LINGO2: variants seen among roughly 807,000 people sequenced by gnomAD.
LINGO2 encodes leucine-rich repeat and immunoglobulin-like domain-containing nogo receptor-interacting protein 2.
A neutral mutation model predicts 30.6 loss-of-function variants in LINGO2; 14 were observed. The observed-to-expected ratio is 0.46, with a 90% CI of 0.30 to 0.72. LINGO2 has a LOEUF of 0.72. LINGO2 is among the 30% of genes least tolerant of loss of function. The pLI, the probability that LINGO2 is intolerant of heterozygous loss-of-function variation, is 0.07. For synonymous variants in LINGO2, 317 were observed against 288.5 expected (o/e 1.10, Z -1.00); for missense variants, 729 against 751.7 (o/e 0.97, Z 0.35).
chr9:28,349,333 C>A (rs1183067661), intron 3 of LINGO2, among the ~76,000 whole-genome samples: 1 of 141,788 alleles, frequency 7.1e-6, no homozygotes, highest in Admixed American at 7.3e-5. Context: ...AACCAAGGCT[C>A]GAGAACTACG....
At chr9:28,784,213 A>G in the LINGO2 span, among the ~76,000 whole-genome samples, 1 of 152,230 alleles carries the variant, frequency 6.6e-6, no homozygotes, top group African/African-American at 2.4e-5. Context: ...GTGTGTGTTT[A>G]TATTTTGTTA....
the LINGO2 span, among the ~76,000 whole-genome samples, chr9:29,167,362 G>T: frequency 6.6e-6 from 1 of 152,092 alleles, no homozygotes; most frequent in Admixed American, 6.6e-5. Context: ...TGGTTTATCT[G>T]AACCAGCATA....
chr9:28,575,927 T>TACACACACAC (rs3065641), intron 1 of LINGO2, among the ~76,000 whole-genome samples: 117 of 149,522 alleles, frequency 7.8e-4, no homozygotes, highest in South Asian at 1.9e-3. Flanking sequence ...AGCCTTGAAA[T>TACACACACAC]ACACACACAC....
At chr9:29,121,372 C>G in the LINGO2 span, among the ~76,000 whole-genome samples, 2 of 151,982 alleles carry the variant, frequency 1.3e-5, no homozygotes, top group Non-Finnish European at 1.5e-5. Flanking sequence ...GCAATGAAGT[C>G]AGAAAAATGA....
intron 5 of LINGO2, among the ~76,000 whole-genome samples, chr9:27,992,686 G>A (rs979789630): frequency 3.3e-5 from 5 of 152,052 alleles, no homozygotes; most frequent in African/African-American, 1.2e-4. Flanking sequence ...ACATTAGGAA[G>A]CAATGAGGGA....
chr9:28,103,311 T>C (rs1236691451), intron 4 of LINGO2, among the ~76,000 whole-genome samples: 3 of 152,174 alleles, frequency 2.0e-5, no homozygotes, highest in African/African-American at 7.2e-5. Context: ...TGATTCTCCA[T>C]GGCTCTTTTC....
intron 4 of LINGO2, among the ~76,000 whole-genome samples, chr9:28,020,341 C>T (rs993672110): frequency 2.0e-5 from 3 of 152,158 alleles, no homozygotes; most frequent in Non-Finnish European, 4.4e-5. Context: ...CCAGCCTAAC[C>T]AATACGGTGA....
At chr9:28,585,432 T>G (rs1270412362) in intron 1 of LINGO2, among the ~76,000 whole-genome samples, 1 of 151,984 alleles carries the variant, frequency 6.6e-6, no homozygotes, top group African/African-American at 2.4e-5. Flanking sequence ...AGTCCCTAAC[T>G]TAAAATGGTT....
intron 2 of LINGO2, among the ~76,000 whole-genome samples, chr9:28,404,186 G>C (rs945478158): frequency 6.6e-6 from 1 of 151,818 alleles, no homozygotes; most frequent in Non-Finnish European, 1.5e-5. Flanking sequence ...TTTCTTCAAA[G>C]CTGTCTTTTT....
At chr9:28,373,306 C>T (rs1820977055) in intron 2 of LINGO2, among the ~76,000 whole-genome samples, 1 of 152,148 alleles carries the variant, frequency 6.6e-6, no homozygotes, top group Admixed American at 6.5e-5. Flanking sequence ...TATATTTCTA[C>T]TCTTGAATGC....
intron 1 of LINGO2, among the ~76,000 whole-genome samples, chr9:28,544,718 T>C (rs2135476278): frequency 6.6e-6 from 1 of 150,924 alleles, no homozygotes; most frequent in South Asian, 2.1e-4. Context: ...GTACACTGAA[T>C]ATAAAAATAA....
intron 2 of LINGO2, among the ~76,000 whole-genome samples, chr9:28,403,370 C>A (rs891036436): frequency 6.6e-6 from 1 of 152,164 alleles, no homozygotes; most frequent in Non-Finnish European, 1.5e-5. Context: ...ATTATTCTGT[C>A]AAAGGCTGCA....
At chr9:28,307,384 T>G (rs1329179435) in intron 3 of LINGO2, among the ~76,000 whole-genome samples, 3 of 152,120 alleles carry the variant, frequency 2.0e-5, no homozygotes, top group Non-Finnish European at 4.4e-5. Context: ...CAACAACCCT[T>G]CATGCTAAAA....
chr9:28,215,942 C>T (rs533250948), intron 4 of LINGO2, among the ~76,000 whole-genome samples: 103 of 151,964 alleles, frequency 6.8e-4, no homozygotes, highest in African/African-American at 2.2e-3. Context: ...ATGAGAGTCA[C>T]TCAGAGAAAT....
intron 3 of LINGO2, among the ~76,000 whole-genome samples, chr9:28,331,069 T>G: frequency 6.6e-6 from 1 of 152,084 alleles, no homozygotes; most frequent in East Asian, 1.9e-4. Context: ...ATTTATTATT[T>G]ATTAAGTAAT....
chr9:29,156,978 C>T, the LINGO2 span, among the ~76,000 whole-genome samples: 7 of 151,982 alleles, frequency 4.6e-5, no homozygotes, highest in South Asian at 2.1e-4. Flanking sequence ...TAATAACTTA[C>T]GCAAGCAAAG....
intron 4 of LINGO2, among the ~76,000 whole-genome samples, chr9:28,031,117 T>C (rs1823648231): frequency 1.3e-5 from 2 of 152,176 alleles, no homozygotes; most frequent in South Asian, 4.1e-4. Flanking sequence ...TTTCCTCATA[T>C]CCAAGCTTCT....
chr9:28,429,817 A>C (rs531926334), intron 2 of LINGO2, among the ~76,000 whole-genome samples: 3 of 152,322 alleles, frequency 2.0e-5, no homozygotes, highest in East Asian at 3.9e-4. Context: ...GAATCCATGC[A>C]TATAAAAATT....
At chr9:28,970,586 A>T in the LINGO2 span, among the ~76,000 whole-genome samples, 1 of 152,278 alleles carries the variant, frequency 6.6e-6, no homozygotes, top group South Asian at 2.1e-4. Flanking sequence ...GGGAGAGCAC[A>T]GCAGTTATGA....
Sources: allele counts gnomAD v4.1 joint callset (sites outside exome capture counted in the v4.1 genomes callset), GRCh38; gene constraint gnomAD v4.1.1; transcripts MANE v1.5; gene names NCBI Gene and HGNC (gene_info 2026-07-23, HGNC 2026-07-21).